Variants in FRY observed in about 807,000 individuals in gnomAD.
FRY encodes the protein FRY microtubule binding protein, also known as protein furry homolog.
FRY carries 128 observed loss-of-function variants against 348.4 expected under a neutral mutation model. The ratio of observed to expected loss-of-function variants is 0.37; its 90% confidence interval spans 0.32 to 0.43. FRY has a LOEUF of 0.43. Among genes scored for constraint, FRY ranks in the 20% least tolerant of loss-of-function variants. FRY has a pLI of 1.00. For missense variants in FRY, 2,736 were observed against 3,695.2 expected (o/e 0.74, Z 6.73); for synonymous variants, 1,370 against 1,374.7 (o/e 1.00, Z 0.08).
rs144890001 is a variant in FRY, at chr13:32,279,972, G to A, written c.8469+1424G>A. ...TAAAGCTGAGAAATTTCTAAAGAGGGCATTGAAGTAGAGGTTGCATTTCCA... is the reference window on the plus strand; with the variant it reads ...TAAAGCTGAGAAATTTCTAAAGAGGACATTGAAGTAGAGGTTGCATTTCCA... On this transcript the variant is annotated intron_variant, in intron 58 of 60. Transcript: ENST00000542859. 5.9e-3 allele frequency among the ~76,000 whole-genome samples: 906 copies of A among 152,302 alleles called. 8 individuals are homozygous for A. The highest frequency in any genetic ancestry group is 9.7e-3 in the African/African-American group (405 of 41,550).
Position 32,194,279 on chromosome 13 carries a change from C to A in FRY, c.3728C>A (p.Ala1243Glu), listed in dbSNP as rs1883542271. The change falls in exon 29 of 61, where the codon GCA becomes GAA. Residue 1243 changes from alanine to glutamate, a missense_variant. By Grantham distance (107) the Ala-to-Glu change is moderately radical (BLOSUM62 -1). This residue lies in a region of FRY where 794 missense variants were observed against 977.0 expected (regional missense o/e 0.81). Transcript: ENST00000542859. ...QLASGCFKAI[A>E]TVCGSRNYPF... ...GCATCTGGCTGCTTCAAAGCCATAGCAACTGTGTGTGGAAGCAGGTACGAA... is the reference window on the plus strand; with the variant it reads ...GCATCTGGCTGCTTCAAAGCCATAGAAACTGTGTGTGGAAGCAGGTACGAA... 1 of 1,614,096 alleles carries A rather than the reference C, an allele frequency of 6.2e-7. No individual in the cohort carries two copies. Among genetic ancestry groups the A allele is most frequent in the Non-Finnish European group, 8.5e-7 (1 of 1,179,956 alleles).
intron 41 of FRY, among the ~76,000 whole-genome samples, chr13:32,234,296 G>T (rs1053185602): frequency 6.6e-6 from 1 of 151,948 alleles, no homozygotes; most frequent in Non-Finnish European, 1.5e-5. Flanking sequence ...GGTGGCACAT[G>T]CCTGTAGTCC....
chr13:32,258,612 CAAAA>C (rs11327896), intron 51 of FRY, among the ~76,000 whole-genome samples: 1 of 143,998 alleles, frequency 6.9e-6, no homozygotes, highest in Non-Finnish European at 1.5e-5. Context: ...GACTCTGTCT[CAAAA>C]AAAAAAAAAA....
intron 1 of FRY, among the ~76,000 whole-genome samples, chr13:32,045,062 T>A (rs1318842296): frequency 6.6e-6 from 1 of 152,174 alleles, no homozygotes; most frequent in Non-Finnish European, 1.5e-5. Context: ...ATTTTCACTA[T>A]TTTTTCCCCA....
chr13:32,231,893 T>A (rs557110966), intron 41 of FRY, among the ~76,000 whole-genome samples: 1 of 152,224 alleles, frequency 6.6e-6, no homozygotes, highest in Non-Finnish European at 1.5e-5. Flanking sequence ...TGTAAAACCA[T>A]CTCTACCTTT....
intron 39 of FRY, among the ~76,000 whole-genome samples, chr13:32,226,389 G>A (rs1348752748): frequency 1.3e-5 from 2 of 152,128 alleles, no homozygotes; most frequent in African/African-American, 4.8e-5. Flanking sequence ...TAGTGCCCAT[G>A]AAGGAATTTT....
At chr13:32,144,932 A>G (rs936902597) in intron 11 of FRY, among the ~76,000 whole-genome samples, 8 of 152,148 alleles carry the variant, frequency 5.3e-5, no homozygotes, top group African/African-American at 1.7e-4. Flanking sequence ...ATTAGTTTTA[A>G]CGGGCTGGAA....
chr13:32,126,984 G>C (rs957076068), intron 7 of FRY, among the ~76,000 whole-genome samples: 2 of 152,204 alleles, frequency 1.3e-5, no homozygotes, highest in Middle Eastern at 3.4e-3. Flanking sequence ...TTGAGTTTTA[G>C]CAGAATCACT....
At chr13:32,067,191 C>T (rs7327274) in intron 1 of FRY, among the ~76,000 whole-genome samples, 19,722 of 152,114 alleles carry the variant, frequency 0.13, 2,988 homozygotes, top group African/African-American at 0.37. Context: ...TCCATTTGCC[C>T]GAGTTGCCCC....
At chr13:32,194,848 T>A (rs548570622) in intron 29 of FRY, among the ~76,000 whole-genome samples, 2 of 152,344 alleles carry the variant, frequency 1.3e-5, no homozygotes, top group African/African-American at 4.8e-5. Flanking sequence ...TGAAATAAGT[T>A]CATAGCTACC....
chr13:32,262,419 A>C lies in FRY; in HGVS notation c.7723A>C (p.Ser2575Arg). Reference sequence around the variant, plus strand: ...TCATTCCTTTAACACCAGAATGTCCAGCTTTGATGCTTCCTTGCCTGATAT... The same window carrying C: ...TCATTCCTTTAACACCAGAATGTCCCGCTTTGATGCTTCCTTGCCTGATAT... ...EPHSFNTRMS[S>R]FDASLPDMNN... The change falls in exon 53 of 61, where the codon AGC (serine) becomes CGC (arginine). Residue 2575 changes from serine to arginine, a missense_variant. Around this residue, in one of 9 missense-constraint regions of FRY, gnomAD observed 789 missense variants for 996.2 expected, o/e 0.79. Transcript: ENST00000542859. The C allele has an allele frequency of 6.2e-7, 1 of 1,613,658 alleles. No individual in the cohort carries two copies.
chr13:32,251,855 C>A, intron 49 of FRY, 23 bp from the exon 50 acceptor site: 2 of 1,570,082 alleles, frequency 1.3e-6, no homozygotes, highest in South Asian at 1.1e-5. Context: ...CATAATGAAA[C>A]CTGCCTTGTG....
chr13:32,218,757 A>G lies in FRY; in HGVS notation c.4691A>G (p.Asn1564Ser). The change falls in exon 36 of 61, where the codon AAT (asparagine) becomes AGT (serine). Residue 1564 changes from asparagine (N) to serine (S), a missense_variant. By Grantham distance (46) the Asn-to-Ser change is conservative (BLOSUM62 1). Transcript: ENST00000542859. Reference sequence around the variant, plus strand: ...TGTTCTTGTATTTGAAGGTTTAGTAATGTCATCAGAGCCCACACTCGCCTC... The same window carrying G: ...TGTTCTTGTATTTGAAGGTTTAGTAGTGTCATCAGAGCCCACACTCGCCTC... ...ILKESDERFSNVIRAHTRLES... is the reference protein window; with the variant it reads ...ILKESDERFSSVIRAHTRLES... 1.3e-6 allele frequency: 2 copies of G among 1,587,256 alleles called. No homozygotes were observed. Among genetic ancestry groups the G allele is most frequent in the Non-Finnish European group, 1.7e-6 (2 of 1,156,042 alleles).
At chr13:32,061,177 G>A (rs954526941) in intron 1 of FRY, 2 of 533,052 alleles carry the variant, frequency 3.8e-6, no homozygotes, top group African/African-American at 3.8e-5. Context: ...GGTATGAAAG[G>A]CTGTTAATAT....
chr13:32,266,334 C>A (rs1887924789), intron 54 of FRY, among the ~76,000 whole-genome samples: 1 of 152,284 alleles, frequency 6.6e-6, no homozygotes, highest in South Asian at 2.1e-4. Flanking sequence ...CATTTTTATT[C>A]ATTATCTCTT....
At chr13:32,054,218 TG>T (rs200567031) in intron 1 of FRY, among the ~76,000 whole-genome samples, 161 of 150,464 alleles carry the variant, frequency 1.1e-3, no homozygotes, top group South Asian at 8.1e-3. Context: ...CTTTTTTTTT[TG>T]TTGTTCTGTA....
At chr13:32,284,112 A>G (rs1429644025) in intron 58 of FRY, among the ~76,000 whole-genome samples, 2 of 152,232 alleles carry the variant, frequency 1.3e-5, no homozygotes, top group Non-Finnish European at 1.5e-5. Context: ...AGATGTTTCC[A>G]TATGATGTAT....
chr13:32,282,118 G>T (rs1888838828), intron 58 of FRY, among the ~76,000 whole-genome samples: 1 of 152,190 alleles, frequency 6.6e-6, no homozygotes, highest in Admixed American at 6.5e-5. Context: ...TATATCTAGA[G>T]ATGTGGAGAT....
chr13:32,081,862 A>C (rs1875520437), intron 2 of FRY, among the ~76,000 whole-genome samples: 1 of 152,216 alleles, frequency 6.6e-6, no homozygotes. Context: ...AGTACACTTA[A>C]GGTGAATTCT....
Sources: allele counts gnomAD v4.1 joint callset (sites outside exome capture counted in the v4.1 genomes callset), GRCh38; gene constraint gnomAD v4.1.1; regional missense constraint gnomAD v4.1.1; transcripts MANE v1.5; gene names NCBI Gene and HGNC (gene_info 2026-07-23, HGNC 2026-07-21).